Variants in VPS13B observed in about 807,000 individuals in gnomAD.
VPS13B encodes intermembrane lipid transfer protein VPS13B.
In VPS13B, 285 loss-of-function variants were observed where a neutral mutation model predicts 426.4. The ratio of observed to expected loss-of-function variants is 0.67; its 90% CI spans 0.61 to 0.74. The LOEUF is 0.74. VPS13B is among the 30% of genes least tolerant of loss of function. The pLI is 0.00. For missense variants in VPS13B, 4,537 were observed against 4,782.6 expected (o/e 0.95, Z 1.51); for synonymous variants, 1,676 against 1,676.4 (o/e 1.00, Z 0.01).
At chr8:99,469,954 G>C (rs937767959) in intron 24 of VPS13B, among the ~76,000 whole-genome samples, 1 of 152,178 alleles carries the variant, frequency 6.6e-6, no homozygotes, top group African/African-American at 2.4e-5. Context: ...AAGATGGATA[G>C]TTCCCACCAG....
intron 23 of VPS13B, among the ~76,000 whole-genome samples, chr8:99,453,922 A>G (rs1208233102): frequency 1.3e-5 from 2 of 152,160 alleles, no homozygotes; most frequent in Non-Finnish European, 1.5e-5. Context: ...GGTGTTTTGC[A>G]TTCTGTGGAC....
intron 39 of VPS13B, among the ~76,000 whole-genome samples, chr8:99,766,171 C>T (rs1429042705): frequency 6.7e-6 from 1 of 149,158 alleles, no homozygotes; most frequent in African/African-American, 2.5e-5. Context: ...TCTCTGCCTC[C>T]TGGGTTCAAG....
At chr8:99,671,333 TTGTC>T (rs1295531542) in intron 35 of VPS13B, among the ~76,000 whole-genome samples, 1 of 152,182 alleles carries the variant, frequency 6.6e-6, no homozygotes, top group Admixed American at 6.5e-5. Flanking sequence ...ATTTGGTTCT[TTGTC>T]TTCTTGCTAT....
At chr8:99,407,763 C>T (rs756517603) in intron 21 of VPS13B, among the ~76,000 whole-genome samples, 1 of 152,150 alleles carries the variant, frequency 6.6e-6, no homozygotes, top group South Asian at 2.1e-4. Context: ...TGGTGTGCTG[C>T]ACCCATTAAC....
rs145762625 is a variant in VPS13B at position 99,496,283 on chromosome 8, A to G, written c.3871-5404A>G. Among the ~76,000 whole-genome samples, 126 of 152,308 alleles carry G rather than the reference A, an allele frequency of 8.3e-4. 2 individuals are homozygous for G. Among genetic ancestry groups the G allele is most frequent in the African/African-American group, 2.7e-3 (112 of 41,578 alleles). On this transcript the variant is annotated intron_variant, in intron 25 of 61. Coordinates refer to ENST00000357162, the MANE Select transcript of VPS13B (RefSeq NM_152564.5). ...TCAGTGGTCTAGAAAGTGGAACATT[A>G]TATAATTATACTCATTAAAATTTTT... is the stretch of plus-strand genomic sequence containing the variant.
At chr8:99,588,630 A>G (rs1308865446) in intron 33 of VPS13B, among the ~76,000 whole-genome samples, 3 of 151,366 alleles carry the variant, frequency 2.0e-5, no homozygotes, top group Non-Finnish European at 2.9e-5. Context: ...TTAATATTGT[A>G]TAGGAATGCT....
At chr8:99,614,389 T>G (rs2133880707) in intron 33 of VPS13B, among the ~76,000 whole-genome samples, 1 of 152,216 alleles carries the variant, frequency 6.6e-6, no homozygotes, top group South Asian at 2.1e-4. Context: ...GCGATTCTCC[T>G]GCCTCAGACT....
At chr8:99,812,881 A>C (rs1813795435) in intron 44 of VPS13B, among the ~76,000 whole-genome samples, 1 of 152,160 alleles carries the variant, frequency 6.6e-6, no homozygotes, top group Non-Finnish European at 1.5e-5. Context: ...GAAACCTGCT[A>C]AGTAAAATCA....
intron 33 of VPS13B, among the ~76,000 whole-genome samples, chr8:99,628,498 C>G (rs1350509356): frequency 6.6e-6 from 1 of 152,108 alleles, no homozygotes; most frequent in Non-Finnish European, 1.5e-5. Flanking sequence ...ATTCATTTTA[C>G]AAAACAAATA....
intron 16 of VPS13B, among the ~76,000 whole-genome samples, chr8:99,191,362 T>C (rs1031251073): frequency 1.3e-5 from 2 of 150,390 alleles, no homozygotes; most frequent in Non-Finnish European, 3.0e-5. Context: ...TCAGTTATTT[T>C]AGTCTCTCTC....
chr8:99,272,398 G>C (rs571787219), intron 17 of VPS13B, among the ~76,000 whole-genome samples: 1 of 152,240 alleles, frequency 6.6e-6, no homozygotes, highest in Non-Finnish European at 1.5e-5. Context: ...TCCTCAATCT[G>C]TAAAGTGAAG....
chr8:99,429,243 C>T (rs1816943120), intron 21 of VPS13B, among the ~76,000 whole-genome samples: 1 of 149,412 alleles, frequency 6.7e-6, no homozygotes, highest in South Asian at 2.1e-4. Flanking sequence ...AACAAACCTG[C>T]ACGTTGTGCA....
intron 27 of VPS13B, 83 bp from the exon 28 acceptor site, chr8:99,507,054 C>T (rs1821537186): frequency 1.4e-6 from 2 of 1,478,262 alleles, no homozygotes; most frequent in African/African-American, 1.4e-5. Flanking sequence ...GAACTTTAGA[C>T]TTATTTGAAA....
intron 14 of VPS13B, among the ~76,000 whole-genome samples, chr8:99,148,961 A>G (rs964008662): frequency 7.2e-5 from 11 of 152,228 alleles, no homozygotes; most frequent in African/African-American, 2.7e-4. Flanking sequence ...GCCTCTCTCA[A>G]GATGGGAAGG....
At chr8:99,093,920 T>A (rs1314681207) in intron 3 of VPS13B, 1 of 152,204 alleles carries the variant, frequency 6.6e-6, no homozygotes, top group Non-Finnish European at 1.5e-5. Context: ...TGAATAGACC[T>A]TTACTCACTT....
At chr8:99,379,745 T>G (rs1813690420) in intron 19 of VPS13B, among the ~76,000 whole-genome samples, 1 of 152,196 alleles carries the variant, frequency 6.6e-6, no homozygotes, top group Non-Finnish European at 1.5e-5. Flanking sequence ...TTCGTGTAAT[T>G]CACTTTTCTT....
chr8:99,081,714 T>C (rs527577195), intron 3 of VPS13B, among the ~76,000 whole-genome samples: 2 of 151,974 alleles, frequency 1.3e-5, no homozygotes, highest in Middle Eastern at 3.4e-3. Flanking sequence ...ATGCAGTGTT[T>C]GGTTTTTTGT....
At chr8:99,604,866 G>A (rs984544827) in intron 33 of VPS13B, among the ~76,000 whole-genome samples, 2 of 152,070 alleles carry the variant, frequency 1.3e-5, no homozygotes, top group Admixed American at 6.5e-5. Context: ...TAAGGGAGGA[G>A]TATCTACATA....
chr8:99,264,264 C>T (rs1736244903), intron 17 of VPS13B, among the ~76,000 whole-genome samples: 1 of 151,248 alleles, frequency 6.6e-6, no homozygotes, highest in African/African-American at 2.4e-5. Context: ...CCTAGGCCTA[C>T]TGTAGAGATG....
Sources: gnomAD v4.1 joint callset for allele counts (sites outside exome capture counted in the v4.1 genomes callset) on GRCh38, gnomAD v4.1.1 for gene constraint, MANE v1.5 for transcripts, NCBI Gene and HGNC (gene_info 2026-07-23, HGNC 2026-07-21) for gene names.